INO80E: variants seen among roughly 807,000 people sequenced by gnomAD.
INO80E encodes INO80 complex subunit E.
In INO80E, 20 loss-of-function variants were observed where a neutral mutation model predicts 27.3. The ratio of observed to expected loss-of-function variants is 0.73; its 90% CI spans 0.51 to 1.06. The LOEUF is 1.06. Among genes scored for constraint, INO80E ranks in the 50% least tolerant of loss-of-function variants. INO80E has a pLI of 0.00. For missense variants in INO80E, 357 were observed against 322.8 expected (o/e 1.11, Z -0.81); for synonymous variants, 167 against 145.9 (o/e 1.14, Z -1.04).
chr16:29,996,304 G>A lies in INO80E; in HGVS notation c.-7G>A. ...GGCAGACTCTGGGCGCCACTCCCGGGCCGGTCATGAACGGGCCGGCGGACG... is the reference window on the plus strand; with the variant it reads ...GGCAGACTCTGGGCGCCACTCCCGGACCGGTCATGAACGGGCCGGCGGACG... On this transcript the variant is annotated 5_prime_UTR_variant, in exon 1 of 7. Coordinates refer to ENST00000563197, the MANE Select transcript of INO80E (RefSeq NM_173618.3). 1 of 1,589,104 alleles carries A rather than the reference G, an allele frequency of 6.3e-7. No homozygotes were observed. Among genetic ancestry groups the A allele is most frequent in the Non-Finnish European group, 8.6e-7 (1 of 1,167,804 alleles).
At chr16:29,996,786 G>A (rs1464126382) in intron 2 of INO80E, 22 bp from the exon 3 acceptor site, 4 of 1,613,456 alleles carry the variant, frequency 2.5e-6, no homozygotes, top group East Asian at 2.2e-5. Context: ...ATCACTGTCC[G>A]TGTCTCCTTC....
intron 3 of INO80E, among the ~76,000 whole-genome samples, 156 bp from the exon 4 acceptor site, chr16:30,000,602 C>T (rs1451614386): frequency 6.6e-6 from 1 of 152,178 alleles, no homozygotes; most frequent in African/African-American, 2.4e-5. Context: ...TGGCCTCAAG[C>T]GATCTGGCCA....
chr16:29,997,769 A>AC (rs1340833020), intron 3 of INO80E, among the ~76,000 whole-genome samples: 4 of 151,258 alleles, frequency 2.6e-5, no homozygotes, highest in African/African-American at 9.7e-5. Flanking sequence ...AAAAAAAAAA[A>AC]CGCCCTTCTT....
intron 3 of INO80E, among the ~76,000 whole-genome samples, chr16:30,000,517 C>T (rs1337592239): frequency 6.6e-6 from 1 of 152,198 alleles, no homozygotes; most frequent in Non-Finnish European, 1.5e-5. Context: ...GCACACGCCA[C>T]CATGCTCGGA....
chr16:29,998,967 C>T (rs191760383), intron 3 of INO80E, among the ~76,000 whole-genome samples: 26 of 152,074 alleles, frequency 1.7e-4, no homozygotes, highest in African/African-American at 4.6e-4. Context: ...ATGGTGTGAA[C>T]CCGGGAGGCG....
intron 3 of INO80E, among the ~76,000 whole-genome samples, chr16:29,998,842 G>A (rs1003013538): frequency 2.0e-5 from 3 of 152,272 alleles, no homozygotes; most frequent in Non-Finnish European, 4.4e-5. Context: ...TCAGGAGATC[G>A]AGACCGTCCT....
intron 3 of INO80E, 118 bp downstream of exon 3, chr16:29,996,978 A>T: frequency 2.1e-6 from 2 of 937,640 alleles, no homozygotes; most frequent in Middle Eastern, 2.2e-4. Context: ...CCTTAAGCCT[A>T]GTTGCTTGCC....
chr16:30,005,691 TG>T lies in INO80E; in HGVS notation c.*253del. The T allele has an allele frequency of 1.8e-6, 1 of 547,406 alleles. No individual in the cohort carries two copies. The allele number at this position is 547,406 out of a possible 1,614,324, so 33.9% of individuals were successfully genotyped here. On this transcript the variant is annotated 3_prime_UTR_variant, in exon 7 of 7. Transcript: ENST00000563197. ...GTGGCCGGGAGCATCTGCCACCTGC[TG>T]GGGAGGCAGAGACCCTGCAATGGCC...
At position 30,005,552 on chromosome 16, in the gene INO80E, C is replaced by G; in HGVS notation, c.*110C>G. On this transcript the variant is annotated 3_prime_UTR_variant, in exon 7 of 7. Coordinates refer to ENST00000563197, the MANE Select transcript of INO80E (RefSeq NM_173618.3). ...TTTATTGATGCCCAGCTGCCATGCT[C>G]CGGCCACTGACACAACCAGAAAAGG... 1 of 1,056,276 alleles carries G rather than the reference C, an allele frequency of 9.5e-7. No individual in the cohort carries two copies. The highest frequency in any genetic ancestry group is 1.4e-6 in the Non-Finnish European group (1 of 715,774). The allele number at this position is 1,056,276 out of a possible 1,614,324, so 65.4% of individuals were successfully genotyped here.
chr16:30,000,127 A>C (rs1370959088), intron 3 of INO80E, among the ~76,000 whole-genome samples: 3 of 152,108 alleles, frequency 2.0e-5, no homozygotes, highest in Non-Finnish European at 4.4e-5. Flanking sequence ...ACCTCATGTG[A>C]CAAGTGGAGG....
intron 5 of INO80E, 86 bp downstream of exon 5, chr16:30,001,126 C>T: frequency 6.8e-7 from 1 of 1,480,672 alleles, no homozygotes; most frequent in Non-Finnish European, 9.0e-7. Flanking sequence ...GCAAGGCCAG[C>T]CCAACTTTGG....
At chr16:30,002,282 A>T (rs563097791) in intron 6 of INO80E, 1 of 152,510 alleles carries the variant, frequency 6.6e-6, no homozygotes, top group African/African-American at 2.4e-5. Flanking sequence ...TAAGCAGGGA[A>T]TTGGGTCCCG....
Position 30,005,634 on chromosome 16 carries a change from C to G in INO80E, c.*192C>G. On this transcript the variant is annotated 3_prime_UTR_variant, in exon 7 of 7. Transcript: ENST00000563197. ...TGGCAGGGGCCCTGCCTTCAAACCCCGGCCCCCTCCAGGGGACAGTTATTT... is the reference window on the plus strand; with the variant it reads ...TGGCAGGGGCCCTGCCTTCAAACCCGGGCCCCCTCCAGGGGACAGTTATTT... The G allele has an allele frequency of 1.6e-6, 1 of 611,852 alleles. No individual in the cohort carries two copies. The highest frequency in any genetic ancestry group is 1.9e-5 in the African/African-American group (1 of 52,360). The allele number at this position is 611,852 out of a possible 1,614,324, so 37.9% of individuals were successfully genotyped here.
At chr16:29,997,536 A>G (rs1349362367) in intron 3 of INO80E, among the ~76,000 whole-genome samples, 1 of 152,032 alleles carries the variant, frequency 6.6e-6, no homozygotes, top group East Asian at 1.9e-4. Flanking sequence ...TGGGCGGATC[A>G]CAAGGTCGGG....
At position 29,996,828 on chromosome 16, in the gene INO80E, T is replaced by C. The variant is rs1220736177; in HGVS notation, c.173T>C (p.Leu58Pro). 1 of 1,614,194 alleles carries C rather than the reference T, an allele frequency of 6.2e-7. No individual in the cohort carries two copies. The highest frequency in any genetic ancestry group is 1.1e-5 in the South Asian group (1 of 91,086). The change falls in exon 3 of 7, where the codon CTG becomes CCG. Residue 58 changes from leucine (L) to proline (P), a missense_variant. Transcript: ENST00000563197. ...CTCAGTTTCCTCCTAGACCGACTTC[T>C]GCAGTACGAGAACGTGGATGAAGAC... The part of the protein sequence containing the change: ...RDKSFLLDRL[L>P]QYENVDEDSS...
At position 30,001,400 on chromosome 16, in the gene INO80E, G is replaced by GCTCCCGCCCGCAGCTGGCCTC; in HGVS notation, c.397-6_411dup. The GCTCCCGCCCGCAGCTGGCCTC allele has an allele frequency of 6.4e-7, 1 of 1,572,146 alleles. No individual in the cohort carries two copies. Among genetic ancestry groups the GCTCCCGCCCGCAGCTGGCCTC allele is most frequent in the Non-Finnish European group, 8.6e-7 (1 of 1,156,928 alleles). On this transcript the variant is annotated splice_polypyrimidine_tract_variant and intron_variant, in intron 5 of 6. Coordinates refer to ENST00000563197, the MANE Select transcript of INO80E (RefSeq NM_173618.3). ...CATTCCGCCTCCCATCTCCATCCCC[G>GCTCCCGCCCGCAGCTGGCCTC]CTCCCGCCCGCAGCTGGCCTCCTCC...
chr16:30,001,774 T>G, intron 6 of INO80E: 1 of 477,304 alleles, frequency 2.1e-6, no homozygotes. Context: ...CTTTCATGGC[T>G]GCAGTGTAGC....
chr16:30,000,181 G>A (rs979047555), intron 3 of INO80E, among the ~76,000 whole-genome samples: 9 of 152,118 alleles, frequency 5.9e-5, no homozygotes, highest in South Asian at 2.1e-4. Flanking sequence ...ACAAGGAGAG[G>A]TGGTGAGTGG....
intron 3 of INO80E, among the ~76,000 whole-genome samples, chr16:29,998,736 C>A (rs2070232326): frequency 6.6e-6 from 1 of 152,154 alleles, no homozygotes; most frequent in African/African-American, 2.4e-5. Context: ...AATCACCTCT[C>A]TCCGTGGTGC....
Sources: allele counts gnomAD v4.1 joint callset (sites outside exome capture counted in the v4.1 genomes callset), GRCh38; gene constraint gnomAD v4.1.1; transcripts MANE v1.5; gene names NCBI Gene and HGNC (gene_info 2026-07-23, HGNC 2026-07-21).